MUC7: variants seen among roughly 807,000 people sequenced by gnomAD.
MUC7 encodes the protein mucin-7.
MUC7 carries 2 observed loss-of-function variants against 2.5 expected under a neutral mutation model. That is an observed-to-expected ratio of 0.81 (90% CI 0.33 to 2.55). The LOEUF is 2.55. Ranked by LOEUF, MUC7 falls within the 30% of genes most tolerant of loss-of-function variation. The pLI, the probability that MUC7 is intolerant of heterozygous loss-of-function variation, is 0.11. For missense variants in MUC7, 408 were observed against 455.6 expected (o/e 0.90, Z 0.95); for synonymous variants, 133 against 173.4 (o/e 0.77, Z 1.83).
At chr4:70,450,411 G>T (rs1470337015) in intron 1 of MUC7, among the ~76,000 whole-genome samples, 1 of 152,216 alleles carries the variant, frequency 6.6e-6, no homozygotes, top group Non-Finnish European at 1.5e-5. Context: ...AATTGGGGAT[G>T]CCTAGGGCCC....
At chr4:70,445,408 A>G (rs766705637) in intron 1 of MUC7, among the ~76,000 whole-genome samples, 4 of 152,196 alleles carry the variant, frequency 2.6e-5, no homozygotes, top group Non-Finnish European at 4.4e-5. Flanking sequence ...CTGCCATAGA[A>G]GATTATGAGT....
chr4:70,432,742 T>A (rs1733711837), intron 1 of MUC7, among the ~76,000 whole-genome samples: 1 of 152,242 alleles, frequency 6.6e-6, no homozygotes, highest in Non-Finnish European at 1.5e-5. Context: ...TTTAATTAGA[T>A]CCCATTTGTC....
upstream of MUC7, among the ~76,000 whole-genome samples, chr4:70,469,261 A>G (rs1366760444): frequency 2.0e-5 from 3 of 152,230 alleles, no homozygotes; most frequent in African/African-American, 7.2e-5. Context: ...TTAACTCAAG[A>G]TGGATTAAAG....
chr4:70,454,739 C>T (rs913884605), intron 1 of MUC7, among the ~76,000 whole-genome samples: 10 of 152,260 alleles, frequency 6.6e-5, no homozygotes, highest in Middle Eastern at 3.4e-3. Context: ...CCATCTTGGT[C>T]CACCCCTCCA....
In MUC7 at chr4:70,431,636, A is replaced by G. The variant is rs191693901; in HGVS notation, c.-93+949A>G. Reference sequence around the variant, plus strand: ...ATCAGTTGTAGTTTTCATTGGAATTACATAAATGTTATTTCTTATTCAACC... The same window carrying G: ...ATCAGTTGTAGTTTTCATTGGAATTGCATAAATGTTATTTCTTATTCAACC... On this transcript the variant is annotated intron_variant, in intron 1 of 3. Transcript: ENST00000413702. Among the ~76,000 whole-genome samples, 17 of 152,342 alleles carry G rather than the reference A, an allele frequency of 1.1e-4. No individual in the cohort carries two copies. The East Asian group carries it at 3.3e-3, about 29-fold the overall frequency.
intron 1 of MUC7, among the ~76,000 whole-genome samples, chr4:70,454,744 C>T (rs747575711): frequency 4.6e-5 from 7 of 152,116 alleles, no homozygotes; most frequent in Non-Finnish European, 7.4e-5. Context: ...TTGGTCCACC[C>T]CTCCATTTCT....
At chr4:70,469,725 T>A (rs1351130878), upstream of MUC7, among the ~76,000 whole-genome samples, 2 of 152,180 alleles carry the variant, frequency 1.3e-5, no homozygotes, top group Non-Finnish European at 2.9e-5. Flanking sequence ...CTCAAGCCAG[T>A]TAGAATAGCA....
At chr4:70,465,766 G>GC (rs1734668534) in intron 1 of MUC7, among the ~76,000 whole-genome samples, 1 of 152,114 alleles carries the variant, frequency 6.6e-6, no homozygotes, top group African/African-American at 2.4e-5. Context: ...CCAAACTTAC[G>GC]CTTGATTGGT....
chr4:70,434,848 C>T (rs148530999), intron 1 of MUC7, among the ~76,000 whole-genome samples: 21,788 of 152,070 alleles, frequency 0.14, 1,630 homozygotes, highest in Middle Eastern at 0.22. Context: ...GCATTTAGTG[C>T]TATAAATTTC....
chr4:70,434,620 G>A (rs1025254656), intron 1 of MUC7, among the ~76,000 whole-genome samples: 20 of 151,498 alleles, frequency 1.3e-4, no homozygotes, highest in African/African-American at 4.8e-4. Context: ...TTTCTTATTA[G>A]TCTTGCTAGC....
intron 2 of MUC7, among the ~76,000 whole-genome samples, chr4:70,475,197 C>A (rs528126995): frequency 3.3e-5 from 5 of 151,878 alleles, no homozygotes; most frequent in Non-Finnish European, 5.9e-5. Context: ...GAGAATTGCT[C>A]GAACCTGGGA....
chr4:70,456,720 T>C (rs1324709993), intron 1 of MUC7, among the ~76,000 whole-genome samples: 2 of 152,150 alleles, frequency 1.3e-5, no homozygotes, highest in Non-Finnish European at 1.5e-5. Context: ...GAGATTTGGG[T>C]GGGGACACAG....
In MUC7 at chr4:70,455,898, C is replaced by G. The variant is rs557516953; in HGVS notation, c.-92-16317C>G. Among the ~76,000 whole-genome samples, 4 of 152,304 alleles carry G rather than the reference C, an allele frequency of 2.6e-5. No individual in the cohort carries two copies. In the East Asian group the frequency reaches 7.7e-4, roughly 29 times the overall value. ...AGTCCCCTGGTCACCCTTCACCACC[C>G]TCTTCTTGTGCCTCCCTATAGTACT... On this transcript the variant is annotated intron_variant, in intron 1 of 3. Transcript: ENST00000413702.
intron 1 of MUC7, among the ~76,000 whole-genome samples, chr4:70,447,796 CT>C (rs537253374): frequency 2.6e-5 from 4 of 152,122 alleles, no homozygotes; most frequent in Non-Finnish European, 5.9e-5. Flanking sequence ...AACAATCCAA[CT>C]ATACTCTTTC....
At chr4:70,470,039 A>T (rs2109736018), upstream of MUC7, among the ~76,000 whole-genome samples, 1 of 152,374 alleles carries the variant, frequency 6.6e-6, no homozygotes, top group South Asian at 2.1e-4. Flanking sequence ...CTGGATAAAG[A>T]AAATGTGGCA....
intron 1 of MUC7, among the ~76,000 whole-genome samples, chr4:70,445,121 T>G (rs73824702): frequency 0.027 from 4,123 of 152,250 alleles, 190 homozygotes; most frequent in African/African-American, 0.093. Context: ...TTCCCTCAAC[T>G]GCTCTGTTTA....
chr4:70,466,010 T>A (rs1381109867), intron 1 of MUC7, among the ~76,000 whole-genome samples: 8 of 152,288 alleles, frequency 5.3e-5, no homozygotes, highest in African/African-American at 1.9e-4. Context: ...AAGGTCAGGT[T>A]ACCCACAAAG....
intron 1 of MUC7, among the ~76,000 whole-genome samples, chr4:70,433,702 T>C (rs2109785199): frequency 6.6e-6 from 1 of 152,344 alleles, no homozygotes; most frequent in South Asian, 2.1e-4. Flanking sequence ...TTTTCCTAAT[T>C]GAATACCCTT....
chr4:70,460,234 A>G (rs987536055), intron 1 of MUC7, among the ~76,000 whole-genome samples: 2 of 152,226 alleles, frequency 1.3e-5, no homozygotes, highest in Admixed American at 6.5e-5. Flanking sequence ...ATAACAAAGT[A>G]GGATAGAAGA....
Sources: gnomAD v4.1 joint callset for allele counts (sites outside exome capture counted in the v4.1 genomes callset) on GRCh38, gnomAD v4.1.1 for gene constraint, MANE v1.5 for transcripts, NCBI Gene and HGNC (gene_info 2026-07-23, HGNC 2026-07-21) for gene names.